PRPF38A: variants seen among roughly 807,000 people sequenced by gnomAD.
PRPF38A encodes the protein pre-mRNA processing factor 38A.
A neutral mutation model predicts 46.8 loss-of-function variants in PRPF38A; 11 were observed. The observed-to-expected ratio is 0.24, with a 90% CI of 0.15 to 0.39. The LOEUF (loss-of-function observed/expected upper bound fraction) is 0.39, where lower values mean the gene tolerates loss of function less well. PRPF38A is among the 10% of genes least tolerant of loss of function. The probability of loss-of-function intolerance (pLI) is 1.00; values close to 1 mark genes in which losing one functional copy is unlikely to be tolerated. For missense variants in PRPF38A, 261 were observed against 407.5 expected (o/e 0.64, Z 3.10); for synonymous variants, 124 against 136.2 (o/e 0.91, Z 0.62).
chr1:52,408,756 A>G (rs893749415), intron 3 of PRPF38A, 66 bp downstream of exon 3: 12 of 1,568,026 alleles, frequency 7.7e-6, no homozygotes, highest in East Asian at 2.2e-5. Context: ...CAGTACTTCT[A>G]CCTTTGCATT....
At chr1:52,412,771 G>A (rs151003343) in intron 5 of PRPF38A, 147 bp downstream of exon 5, 12 of 571,226 alleles carry the variant, frequency 2.1e-5, no homozygotes, top group Admixed American at 6.5e-5. Context: ...AGGCCAAGGC[G>A]AGTGGATGAC....
intron 2 of PRPF38A, chr1:52,408,341 A>G (rs902325422): frequency 1.2e-5 from 8 of 662,726 alleles, no homozygotes; most frequent in Admixed American, 4.1e-5. Flanking sequence ...TTGAAAGTTG[A>G]TCAATATGTA....
Position 52,412,635 on chromosome 1 carries a change from T to C in PRPF38A, c.609+11T>C, listed in dbSNP as rs750943688. On this transcript the variant is annotated intron_variant, in intron 5 of 9. Coordinates refer to ENST00000257181, the MANE Select transcript of PRPF38A (RefSeq NM_032864.4). ...GAGGAGGATGAGAAGGTCTGGCACC[T>C]GAGACTTTTATGGTTGTAGGGGAGG... 340 of 1,542,060 alleles carry C rather than the reference T, an allele frequency of 2.2e-4. 1 individual carries two copies. Among genetic ancestry groups the C allele is most frequent in the Non-Finnish European group, 1.6e-5 (18 of 1,116,962 alleles).
At chr1:52,409,084 C>T (rs1648078034) in intron 3 of PRPF38A, 2 of 179,144 alleles carry the variant, frequency 1.1e-5, no homozygotes, top group South Asian at 2.4e-4. Context: ...GGCCTCTCCT[C>T]TAACACTGTA....
chr1:52,411,667 G>C (rs1417969016), intron 4 of PRPF38A, among the ~76,000 whole-genome samples: 1 of 152,136 alleles, frequency 6.6e-6, no homozygotes, highest in Non-Finnish European at 1.5e-5. Context: ...AGGGCCAGGA[G>C]TGGGAGACTG....
At chr1:52,410,435 AATG>A (rs1003854965) in intron 3 of PRPF38A, among the ~76,000 whole-genome samples, 1 of 150,920 alleles carries the variant, frequency 6.6e-6, no homozygotes, top group African/African-American at 2.4e-5. Context: ...AAGTGAGGTT[AATG>A]ATACTTTTAT....
At chr1:52,408,819 C>A in intron 3 of PRPF38A, 129 bp downstream of exon 3, 1 of 1,185,228 alleles carries the variant, frequency 8.4e-7, no homozygotes, top group Non-Finnish European at 1.2e-6. Context: ...TGTCTCTATG[C>A]AGGTTTTCCC....
In PRPF38A at chr1:52,408,612, A is replaced by G; in HGVS notation, c.334A>G (p.Thr112Ala). 6.2e-7 allele frequency: 1 copy of G among 1,614,240 alleles called. No homozygotes were observed. The highest frequency in any genetic ancestry group is 8.5e-7 in the Non-Finnish European group (1 of 1,180,028). ...GGCACTTTACATGAGGCTGACAGGC[A>G]CTGCAATTGATTGCTACAAGTACTT... ...LGALYMRLTGTAIDCYKYLEP... is the reference protein window; with the variant it reads ...LGALYMRLTGAAIDCYKYLEP... The change falls in exon 3 of 10, where the codon ACT becomes GCT. Residue 112 changes from threonine to alanine, a missense_variant. By Grantham distance (58) the Thr-to-Ala change is moderately conservative (BLOSUM62 0). Transcript: ENST00000257181.
intron 2 of PRPF38A, among the ~76,000 whole-genome samples, chr1:52,407,211 A>G (rs1648022628): frequency 6.6e-6 from 1 of 152,002 alleles, no homozygotes; most frequent in African/African-American, 2.4e-5. Context: ...TAGAGACGGC[A>G]TTTCACCGCG....
chr1:52,414,977 C>A, intron 8 of PRPF38A, 118 bp downstream of exon 8: 1 of 872,306 alleles, frequency 1.1e-6, no homozygotes, highest in Non-Finnish European at 1.8e-6. Context: ...AGCAAATGGA[C>A]ATAGAATTTG....
intron 5 of PRPF38A, 125 bp downstream of exon 5, chr1:52,412,749 T>C (rs1648181488): frequency 1.6e-6 from 1 of 622,436 alleles, no homozygotes; most frequent in Non-Finnish European, 2.8e-6. Flanking sequence ...CCTGTAATCA[T>C]AGCACTTTGG....
rs1425359289 is a variant in PRPF38A at position 52,420,444 on chromosome 1, G to T, written c.*3754G>T. The T allele has an allele frequency of 1.3e-5, 2 of 151,910 alleles. No individual in the cohort carries two copies. Among genetic ancestry groups the T allele is most frequent in the African/African-American group, 4.8e-5 (2 of 41,348 alleles). The allele number at this position is 151,910 out of a possible 1,614,324, so 9.4% of individuals were successfully genotyped here. A position where few individuals can be genotyped will look rare whatever the true frequency, so the allele number is the denominator to read the frequency against. ...TTTCATCTTTCATAGCAGGAATCACGTACAGTCTCTAATTAAAACATACAT... is the reference window on the plus strand; with the variant it reads ...TTTCATCTTTCATAGCAGGAATCACTTACAGTCTCTAATTAAAACATACAT... On this transcript the variant is annotated 3_prime_UTR_variant, in exon 10 of 10. Transcript: ENST00000257181.
At chr1:52,415,508 G>T in intron 9 of PRPF38A, 122 bp downstream of exon 9, 2 of 771,844 alleles carry the variant, frequency 2.6e-6, no homozygotes, top group East Asian at 2.8e-5. Flanking sequence ...AGACAAAATT[G>T]GTCTATTGCT....
chr1:52,406,177 TGGG>T (rs1194427841), intron 2 of PRPF38A, among the ~76,000 whole-genome samples: 2 of 151,882 alleles, frequency 1.3e-5, no homozygotes, highest in Admixed American at 1.3e-4. Flanking sequence ...TTAGTAGAGA[TGGG>T]GTTTCACCAT....
In PRPF38A at chr1:52,405,909, G is replaced by A. The variant is rs1335685263; in HGVS notation, c.290+70G>A. 6.8e-6 allele frequency: 9 copies of A among 1,324,444 alleles called. No homozygotes were observed. In the East Asian group the frequency reaches 1.4e-4, roughly 20 times the overall value. 82.0% of individuals were successfully genotyped at this position (1,324,444 alleles called of 1,614,324 possible). On this transcript the variant is annotated intron_variant, in intron 2 of 9. Coordinates refer to ENST00000257181, the MANE Select transcript of PRPF38A (RefSeq NM_032864.4). ...CGGTTTAGAATTGGGCTTTGGTTAA[G>A]AGGGGTGTACACAATGTATCTCATT...
chr1:52,414,832 C>T lies in PRPF38A; in HGVS notation c.820C>T (p.Arg274Trp), dbSNP rs574853721. The change falls in exon 8 of 10, where the codon CGG becomes TGG. Residue 274 changes from arginine to tryptophan, a missense_variant. Arg to Trp is a moderately radical substitution (Grantham distance 101, BLOSUM62 -3). Around this residue, in one of 2 missense-constraint regions of PRPF38A, gnomAD observed 180 missense variants for 221.0 expected, o/e 0.81. Transcript: ENST00000257181. ...TCACCGCAGCAGGTCCCGAGATCGG[C>T]GGCACAGATCCCGTTCCAAGTCCCC... Reference protein sequence around the residue: ...RRHRSRSRDRRHRSRSKSPGH... With the variant: ...RRHRSRSRDRWHRSRSKSPGH... 56 of 1,614,126 alleles carry T rather than the reference C, an allele frequency of 3.5e-5. No individual in the cohort carries two copies. The highest frequency in any genetic ancestry group is 3.7e-5 in the Non-Finnish European group (44 of 1,179,998).
At position 52,408,636 on chromosome 1, in the gene PRPF38A, T is replaced by G; in HGVS notation, c.358T>G (p.Leu120Val). 6.2e-7 allele frequency: 1 copy of G among 1,614,224 alleles called. No homozygotes were observed. Among genetic ancestry groups the G allele is most frequent in the Non-Finnish European group, 8.5e-7 (1 of 1,180,032 alleles). ...TGTAIDCYKY[L>V]EPLYNDYRKI... ...CACTGCAATTGATTGCTACAAGTACTTGGAACCTTTGTACAATGACTATCG... is the reference window on the plus strand; with the variant it reads ...CACTGCAATTGATTGCTACAAGTACGTGGAACCTTTGTACAATGACTATCG... The change falls in exon 3 of 10, where the codon TTG becomes GTG. Residue 120 changes from leucine (L) to valine (V), a missense_variant. This residue lies in a region of PRPF38A where 81 missense variants were observed against 186.5 expected (regional missense o/e 0.43). Transcript: ENST00000257181.
Position 52,418,635 on chromosome 1 carries a change from TAGA to T in PRPF38A, c.*1951_*1953del, listed in dbSNP as rs1195037782. On this transcript the variant is annotated 3_prime_UTR_variant, in exon 10 of 10. Transcript: ENST00000257181. The stretch of plus-strand genomic sequence containing the variant: ...AAAGAGAATGTCCCTATTCTTTAAT[TAGA>T]AGAAGGAGGTAAGAGTAAGACATGT... The T allele has an allele frequency of 1.3e-5, 2 of 152,204 alleles. No homozygotes were observed. The highest frequency in any genetic ancestry group is 2.9e-5 in the Non-Finnish European group (2 of 68,044). The allele number at this position is 152,204 out of a possible 1,614,324, so 9.4% of individuals were successfully genotyped here. A position where few individuals can be genotyped will look rare whatever the true frequency, so the allele number is the denominator to read the frequency against.
rs1433661192 is a variant in PRPF38A, at chr1:52,411,215, T to C, written c.498+15T>C. ...CCCGACTACAGGTAAGAAATAAAAG[T>C]CTGTTACCAGAGTCACCCTTCTCTT... On this transcript the variant is annotated intron_variant, in intron 4 of 9. Coordinates refer to ENST00000257181, the MANE Select transcript of PRPF38A (RefSeq NM_032864.4). 16 of 1,589,318 alleles carry C rather than the reference T, an allele frequency of 1.0e-5. No individual in the cohort carries two copies. The highest frequency in any genetic ancestry group is 1.3e-5 in the Non-Finnish European group (15 of 1,158,676).
Sources: gnomAD v4.1 joint callset for allele counts (sites outside exome capture counted in the v4.1 genomes callset) on GRCh38, gnomAD v4.1.1 for gene constraint, gnomAD v4.1.1 regional missense constraint, MANE v1.5 for transcripts, NCBI Gene and HGNC (gene_info 2026-07-23, HGNC 2026-07-21) for gene names.